CAPN13: variants seen among roughly 807,000 people sequenced by gnomAD.
CAPN13 encodes calpain 13, also known as calpain-13.
CAPN13 carries 90 observed loss-of-function variants against 98.4 expected under a neutral mutation model. That is an observed-to-expected ratio of 0.92 (90% CI 0.77 to 1.09). The LOEUF (loss-of-function observed/expected upper bound fraction) is 1.09. CAPN13 is among the 50% of genes least tolerant of loss of function. The probability of loss-of-function intolerance (pLI) is 0.00; values close to 1 mark genes in which losing one functional copy is unlikely to be tolerated. For missense variants in CAPN13, 887 were observed against 841.3 expected (o/e 1.05, Z -0.67); for synonymous variants, 330 against 305.5 (o/e 1.08, Z -0.84).
At chr2:30,736,964 G>C (rs575179407) in intron 17 of CAPN13, among the ~76,000 whole-genome samples, 2 of 152,342 alleles carry the variant, frequency 1.3e-5, no homozygotes, top group South Asian at 2.1e-4. Context: ...GCGTGCACAA[G>C]TGTAGAGGGA....
At chr2:30,739,587 A>T (rs2147963274) in intron 15 of CAPN13, among the ~76,000 whole-genome samples, 1 of 152,238 alleles carries the variant, frequency 6.6e-6, no homozygotes, top group East Asian at 1.9e-4. Context: ...GCCCACTATC[A>T]ACTGAGTTTC....
intron 7 of CAPN13, among the ~76,000 whole-genome samples, chr2:30,759,755 C>T (rs1331372215): frequency 6.6e-6 from 1 of 152,186 alleles, no homozygotes; most frequent in Non-Finnish European, 1.5e-5. Context: ...AAAGTCCGGG[C>T]TCCTAGTTTT....
chr2:30,794,104 A>C (rs1318500244), intron 1 of CAPN13, among the ~76,000 whole-genome samples: 2 of 151,858 alleles, frequency 1.3e-5, no homozygotes, highest in African/African-American at 4.8e-5. Context: ...ACCATTAAAA[A>C]AACAAAAATG....
chr2:30,724,547 C>T (rs911872587), intron 22 of CAPN13, among the ~76,000 whole-genome samples: 2 of 152,188 alleles, frequency 1.3e-5, no homozygotes, highest in African/African-American at 4.8e-5. Context: ...ACTCTTCCTC[C>T]TCCTTGGTTT....
chr2:30,797,261 G>C (rs571658957), intron 1 of CAPN13, among the ~76,000 whole-genome samples: 1 of 151,966 alleles, frequency 6.6e-6, no homozygotes, highest in African/African-American at 2.4e-5. Flanking sequence ...CCCCACAACT[G>C]TACTCCCAAC....
At chr2:30,748,337 G>A (rs753026164) in intron 11 of CAPN13, among the ~76,000 whole-genome samples, 11 of 152,266 alleles carry the variant, frequency 7.2e-5, no homozygotes, top group Admixed American at 3.3e-4. Context: ...AGGAATTCTC[G>A]TCTGAAAGCC....
rs774465296 is a variant in CAPN13 at position 30,732,475 on chromosome 2, G to C, written c.1890C>G (p.Ser630Arg). Residue 630 changes from serine to arginine, a missense_variant, in exon 20 of 23, where the codon AGC (serine) becomes AGG (arginine). Physicochemically the swap from Ser to Arg is moderately radical, Grantham distance 110. Coordinates refer to ENST00000295055, the MANE Select transcript of CAPN13 (RefSeq NM_144575.3). ...SDSVGRVSFPSLVCFLMRLEA... is the reference protein window; with the variant it reads ...SDSVGRVSFPRLVCFLMRLEA... ...CAAGCCGCATCAGGAAGCAGACCAGGCTGGGGAAGCTGACCCTGCCGACGC... is the reference window on the plus strand; with the variant it reads ...CAAGCCGCATCAGGAAGCAGACCAGCCTGGGGAAGCTGACCCTGCCGACGC... The C allele has an allele frequency of 4.3e-5, 70 of 1,613,356 alleles. No individual in the cohort carries two copies. The highest frequency in any genetic ancestry group is 5.5e-5 in the Non-Finnish European group (65 of 1,179,754).
intron 7 of CAPN13, among the ~76,000 whole-genome samples, chr2:30,759,996 T>G (rs1341415177): frequency 6.6e-6 from 1 of 152,208 alleles, no homozygotes; most frequent in Non-Finnish European, 1.5e-5. Context: ...GGCTCTGACT[T>G]GCAATGCCTC....
intron 1 of CAPN13, among the ~76,000 whole-genome samples, chr2:30,805,563 A>G (rs1397810044): frequency 6.6e-6 from 1 of 152,088 alleles, no homozygotes; most frequent in Non-Finnish European, 1.5e-5. Flanking sequence ...CTTTCCATAT[A>G]GGATCTCATT....
intron 22 of CAPN13, among the ~76,000 whole-genome samples, chr2:30,725,288 C>T (rs1463029054): frequency 6.6e-6 from 1 of 152,088 alleles, no homozygotes; most frequent in African/African-American, 2.4e-5. Flanking sequence ...GTATTGCCTG[C>T]AATGTGACAA....
At chr2:30,766,962 C>T (rs1352254421) in intron 5 of CAPN13, among the ~76,000 whole-genome samples, 1 of 152,256 alleles carries the variant, frequency 6.6e-6, no homozygotes, top group Non-Finnish European at 1.5e-5. Flanking sequence ...GGTCCCTCTC[C>T]ATCTGGACAG....
intron 3 of CAPN13, among the ~76,000 whole-genome samples, chr2:30,776,718 A>G (rs2148051399): frequency 6.6e-6 from 1 of 152,078 alleles, no homozygotes; most frequent in African/African-American, 2.4e-5. Context: ...AGCCCTTTTG[A>G]GCCTCTCCTC....
At chr2:30,789,224 A>G (rs568035763) in intron 1 of CAPN13, among the ~76,000 whole-genome samples, 2 of 152,344 alleles carry the variant, frequency 1.3e-5, no homozygotes, top group South Asian at 4.1e-4. Context: ...TCAAGACAAA[A>G]GGCGATGGCA....
chr2:30,733,330 G>T (rs890977136), intron 19 of CAPN13, among the ~76,000 whole-genome samples: 1 of 106,484 alleles, frequency 9.4e-6, no homozygotes, highest in Middle Eastern at 4.1e-3. Flanking sequence ...GATAAGCCAG[G>T]TCCTGTTCTC....
At chr2:30,787,085 C>T (rs780173205) in intron 2 of CAPN13, 43 bp downstream of exon 2, 286 of 1,471,920 alleles carry the variant, frequency 1.9e-4, no homozygotes, top group Middle Eastern at 9.8e-4. Context: ...CAGGCGACTC[C>T]GAGGACCCTG....
At chr2:30,732,625 C>T (rs1671162753) in intron 19 of CAPN13, 59 bp from the exon 20 acceptor site, 2 of 1,555,918 alleles carry the variant, frequency 1.3e-6, no homozygotes, top group Non-Finnish European at 8.6e-7. Context: ...GTTCCTCTGC[C>T]TCTCAGGGTC....
At chr2:30,794,537 C>T (rs1003987003) in intron 1 of CAPN13, among the ~76,000 whole-genome samples, 25 of 151,964 alleles carry the variant, frequency 1.6e-4, no homozygotes, top group African/African-American at 6.0e-4. Flanking sequence ...TCCAGCCATT[C>T]CAGTCCTAGG....
intron 1 of CAPN13, among the ~76,000 whole-genome samples, chr2:30,788,560 T>C (rs565724014): frequency 3.3e-4 from 51 of 152,294 alleles, no homozygotes; most frequent in Middle Eastern, 3.4e-3. Context: ...TCAGGGTCAG[T>C]GCAGGTGGCA....
Position 30,765,561 on chromosome 2 carries a change from A to T in CAPN13, c.525-1255T>A, listed in dbSNP as rs187016012. On this transcript the variant is annotated intron_variant, in intron 5 of 22. Transcript: ENST00000295055. Reference sequence around the variant, plus strand: ...AACTGGGTCTTCCACACTGGACAAGACCCTTCCCCTCCCTGCCCTTGGCCT... The same window carrying T: ...AACTGGGTCTTCCACACTGGACAAGTCCCTTCCCCTCCCTGCCCTTGGCCT... Among the ~76,000 whole-genome samples the T allele has an allele frequency of 2.0e-5, 3 of 152,024 alleles. No individual in the cohort carries two copies. In the East Asian group the frequency reaches 5.8e-4, roughly 29 times the overall value.
Sources: gnomAD v4.1 joint callset for allele counts (sites outside exome capture counted in the v4.1 genomes callset) on GRCh38, gnomAD v4.1.1 for gene constraint, MANE v1.5 for transcripts, NCBI Gene and HGNC (gene_info 2026-07-23, HGNC 2026-07-21) for gene names.